The following TECPR2 variants were observed in gnomAD, a reference collection of about 807,000 sequenced individuals.
The protein encoded by TECPR2 is tectonin beta-propeller repeat-containing protein 2.
Under a neutral mutation model 138.1 loss-of-function variants are expected in TECPR2, and 65 were observed. The observed-to-expected ratio is 0.47, with a 90% CI of 0.39 to 0.58. The LOEUF is 0.58. Among genes scored for constraint, TECPR2 ranks in the 20% least tolerant of loss-of-function variants. The pLI, the probability that TECPR2 is intolerant of heterozygous loss-of-function variation, is 0.00. For missense variants in TECPR2, 1,553 were observed against 1,824.5 expected, an observed-to-expected ratio of 0.85 and a Z score of 2.71; for synonymous variants, 746 against 749.8, an observed-to-expected ratio of 0.99 and a Z score of 0.08.
At chr14:102,447,920 T>C (rs1334946544) in intron 13 of TECPR2, among the ~76,000 whole-genome samples, 1 of 152,216 alleles carries the variant, frequency 6.6e-6, no homozygotes, top group Non-Finnish European at 1.5e-5. Context: ...TTGTCTTGCA[T>C]TGACTGCTCT....
chr14:102,470,305 G>A (rs1222971779), intron 17 of TECPR2, among the ~76,000 whole-genome samples: 3 of 136,026 alleles, frequency 2.2e-5, no homozygotes, highest in Admixed American at 8.1e-5. Flanking sequence ...GGTCTATTCA[G>A]AATTTTTTTT....
chr14:102,475,506 G>A (rs2139780437), intron 17 of TECPR2, among the ~76,000 whole-genome samples: 1 of 152,298 alleles, frequency 6.6e-6, no homozygotes, highest in South Asian at 2.1e-4. Context: ...AAGTAGGTCA[G>A]ATGCCCAGGA....
intron 16 of TECPR2, among the ~76,000 whole-genome samples, chr14:102,461,653 G>A (rs1051001968): frequency 2.6e-5 from 4 of 152,186 alleles, no homozygotes; most frequent in African/African-American, 4.8e-5. Context: ...CGTGGCCCCC[G>A]CTCCACGAAG....
intron 5 of TECPR2, among the ~76,000 whole-genome samples, chr14:102,422,604 T>G (rs532587941): frequency 4.7e-4 from 72 of 152,312 alleles, no homozygotes; most frequent in Admixed American, 1.1e-3. Flanking sequence ...AAATGAAAGA[T>G]AAACAATACT....
chr14:102,482,000 ACT>A lies in TECPR2; in HGVS notation c.3790-14976_3790-14975del, dbSNP rs571805609. On this transcript the variant is annotated intron_variant, in intron 17 of 19. Coordinates refer to ENST00000359520, the MANE Select transcript of TECPR2 (RefSeq NM_014844.5). ...ACACCTGCAGTTCCTTGTCTGTGTGACTCTTTGTTTTCCCTGGACTTGATAAT... is the reference window on the plus strand; with the variant it reads ...ACACCTGCAGTTCCTTGTCTGTGTGACTTTGTTTTCCCTGGACTTGATAAT... Among the ~76,000 whole-genome samples, 27 of 148,478 alleles carry A rather than the reference ACT, an allele frequency of 1.8e-4. No homozygotes were observed. In the South Asian group the frequency reaches 5.2e-3, roughly 28 times the overall value.
At chr14:102,452,676 C>T in intron 16 of TECPR2, 49 bp downstream of exon 16, 17 of 1,457,684 alleles carry the variant, frequency 1.2e-5, no homozygotes, top group Non-Finnish European at 1.6e-5. Flanking sequence ...CTGCCCTAAA[C>T]CGGCATCACA....
At position 102,413,339 on chromosome 14, in the gene TECPR2, T is replaced by C. The variant is rs573172074; in HGVS notation, c.481-1297T>C. 1.3e-3 allele frequency among the ~76,000 whole-genome samples: 192 copies of C among 150,450 alleles called. 2 individuals carry two copies. In the South Asian group the frequency reaches 0.019, roughly 15 times the overall value. ...CTTTTCATATATATATTGGATTTCATATATATGAAATATACATATATTTCA... is the reference window on the plus strand; with the variant it reads ...CTTTTCATATATATATTGGATTTCACATATATGAAATATACATATATTTCA... On this transcript the variant is annotated intron_variant, in intron 4 of 19. Coordinates refer to ENST00000359520, the MANE Select transcript of TECPR2 (RefSeq NM_014844.5).
In TECPR2 at chr14:102,414,653, G is replaced by C; in HGVS notation, c.498G>C (p.Gln166His). 6.2e-7 allele frequency: 1 copy of C among 1,614,232 alleles called. No homozygotes were observed. The highest frequency in any genetic ancestry group is 8.5e-7 in the Non-Finnish European group (1 of 1,180,044). The part of the protein sequence containing the change: ...LDLDQGLCNS[Q>H]LVLEEPSSIV... ...TCTGCCAGGGGCTCTGTAACTCCCA[G>C]CTGGTGTTGGAGGAGCCATCTTCCA... is the stretch of plus-strand genomic sequence containing the variant. Residue 166 changes from glutamine to histidine, a missense_variant, in exon 5 of 20, where the codon CAG becomes CAC. Gln to His is a conservative substitution (Grantham distance 24). Coordinates refer to ENST00000359520, the MANE Select transcript of TECPR2 (RefSeq NM_014844.5).
intron 16 of TECPR2, among the ~76,000 whole-genome samples, chr14:102,456,311 A>G (rs1890275607): frequency 6.6e-6 from 1 of 152,156 alleles, no homozygotes; most frequent in Non-Finnish European, 1.5e-5. Context: ...CTTAGTCCTT[A>G]TCCTGCCCTG....
chr14:102,476,771 T>G (rs558088825), intron 17 of TECPR2, among the ~76,000 whole-genome samples: 2 of 152,098 alleles, frequency 1.3e-5, no homozygotes, highest in Non-Finnish European at 2.9e-5. Context: ...TATATAAAAT[T>G]TGGCCAGGTA....
intron 17 of TECPR2, among the ~76,000 whole-genome samples, chr14:102,471,576 C>A (rs1384336472): frequency 6.6e-6 from 1 of 151,730 alleles, no homozygotes; most frequent in East Asian, 1.9e-4. Flanking sequence ...TGATAGTGCA[C>A]CTGTAGTCCC....
rs1374870521 is a variant in TECPR2, at chr14:102,407,424, A to C, written c.306A>C (p.Ala102=). ...CAGGCACAGCCTCTGGCAGGGTTGC[A>C]GTTTTTCAACTTGTATCTTCATTGC... ...VAAGTASGRV[A]VFQLVSSLPG... is the part of the protein sequence containing the mutation. The change falls in exon 3 of 20, where the codon GCA becomes GCC. Residue 102 remains alanine, a synonymous_variant. Transcript: ENST00000359520. The C allele has an allele frequency of 1.2e-6, 2 of 1,613,622 alleles. No individual in the cohort carries two copies.
rs1333017689 is a variant in TECPR2, at chr14:102,497,697, C to T, written c.4059C>T (p.Pro1353=). The change falls in exon 19 of 20, where the codon CCC becomes CCT. Residue 1353 remains proline, a synonymous_variant. Transcript: ENST00000359520. The part of the protein sequence containing the change: ...NPAGDYWKKI[P]GSVSCFTVTA... ...CCGGGGACTACTGGAAGAAAATTCC[C>T]GGCAGCGTGTCGTGTTTCACAGGCA... is the stretch of plus-strand genomic sequence containing the variant. 1.6e-5 allele frequency: 26 copies of T among 1,608,412 alleles called. No individual in the cohort carries two copies. Among genetic ancestry groups the T allele is most frequent in the African/African-American group, 4.0e-5 (3 of 74,846 alleles).
chr14:102,378,129 C>G (rs1887690580), intron 2 of TECPR2, among the ~76,000 whole-genome samples: 1 of 152,174 alleles, frequency 6.6e-6, no homozygotes, highest in Non-Finnish European at 1.5e-5. Flanking sequence ...GTGAGAGACT[C>G]AAAGTTGACT....
chr14:102,465,219 G>A lies in TECPR2; in HGVS notation c.3719G>A (p.Arg1240His), dbSNP rs1267643478. The change falls in exon 17 of 20, where the codon CGT (arginine) becomes CAT (histidine). Residue 1240 changes from arginine to histidine, a missense_variant. Arg to His is a conservative substitution (Grantham distance 29). Transcript: ENST00000359520. ...GATTCCAGGGGTGGAGTTTACTTCC[G>A]TGTAGGGACTCAGCCTCTCAATCCC... ...ACDSRGGVYF[R>H]VGTQPLNPSL... 3 of 1,614,204 alleles carry A rather than the reference G, an allele frequency of 1.9e-6. No homozygotes were observed. Among genetic ancestry groups the A allele is most frequent in the Non-Finnish European group, 2.5e-6 (3 of 1,180,034 alleles).
At chr14:102,485,013 G>GT (rs1176410558) in intron 17 of TECPR2, among the ~76,000 whole-genome samples, 3 of 152,196 alleles carry the variant, frequency 2.0e-5, no homozygotes, top group Admixed American at 2.0e-4. Context: ...TGAGAAGGGA[G>GT]TGAAAGAGTA....
At chr14:102,383,204 A>G (rs1887886199) in intron 2 of TECPR2, among the ~76,000 whole-genome samples, 1 of 152,140 alleles carries the variant, frequency 6.6e-6, no homozygotes, top group African/African-American at 2.4e-5. Flanking sequence ...AACTATTCTG[A>G]CTTCTAACAC....
intron 13 of TECPR2, among the ~76,000 whole-genome samples, chr14:102,448,163 G>A (rs1212932452): frequency 6.6e-6 from 1 of 151,646 alleles, no homozygotes; most frequent in African/African-American, 2.4e-5. Context: ...GTTTCACCAT[G>A]TTGGCAGGCT....
At chr14:102,444,132 C>T (rs145725758) in intron 12 of TECPR2, among the ~76,000 whole-genome samples, 6 of 151,878 alleles carry the variant, frequency 4.0e-5, no homozygotes, top group African/African-American at 1.4e-4. Context: ...GTGTCTGTGA[C>T]GGCTTAGGTC....
Sources: gnomAD v4.1 joint callset for allele counts (sites outside exome capture counted in the v4.1 genomes callset) on GRCh38, gnomAD v4.1.1 for gene constraint, MANE v1.5 for transcripts, NCBI Gene and HGNC (gene_info 2026-07-23, HGNC 2026-07-21) for gene names.